The following MYT1L variants were observed in gnomAD, a reference collection of about 807,000 sequenced individuals.
MYT1L encodes myelin transcription factor 1 like.
A neutral mutation model predicts 126.7 loss-of-function variants in MYT1L; 12 were observed. That is an observed-to-expected ratio of 0.09 (90% CI 0.06 to 0.15). The LOEUF is 0.15. Among genes scored for constraint, MYT1L ranks in the 10% least tolerant of loss-of-function variants. The pLI is 1.00. For synonymous variants in MYT1L, 541 were observed against 604.2 expected (o/e 0.90, Z 1.53); for missense variants, 979 against 1,585.2 (o/e 0.62, Z 6.49).
At chr2:2,133,608 AT>A (rs1422875036) in intron 3 of MYT1L, among the ~76,000 whole-genome samples, 1 of 152,204 alleles carries the variant, frequency 6.6e-6, no homozygotes, top group Non-Finnish European at 1.5e-5. Context: ...AACATGCTTA[AT>A]TTTAAAAGGG....
At chr2:2,104,463 A>G (rs2078491818) in intron 3 of MYT1L, among the ~76,000 whole-genome samples, 1 of 152,252 alleles carries the variant, frequency 6.6e-6, no homozygotes, top group African/African-American at 2.4e-5. Flanking sequence ...AACTGCACAC[A>G]CTAGCCCTTT....
At position 1,889,275 on chromosome 2, in the gene MYT1L, C is replaced by T. The variant is rs200379833; in HGVS notation, c.2486G>A (p.Arg829Gln). The T allele has an allele frequency of 2.0e-5, 32 of 1,613,952 alleles. No homozygotes were observed. The highest frequency in any genetic ancestry group is 5.0e-5 in the Admixed American group (3 of 60,012). Residue 829 changes from arginine (R) to glutamine (Q), a missense_variant, in exon 16 of 25, where the codon CGG becomes CAG. Transcript: ENST00000647738. This position sits in a 1 kb window ranked among gnomAD's most constrained non-coding sequence, Gnocchi z 4.1. ...TTTGGACTCGTCCTCGTCTATCCTC[C>T]GGGGTTTCATTTTGGTGTAGTCTAC... The part of the protein sequence containing the change: ...LPVDYTKMKP[R>Q]RIDEDESKDI...
chr2:2,321,837 G>A (rs887543492), intron 1 of MYT1L, among the ~76,000 whole-genome samples: 1 of 152,104 alleles, frequency 6.6e-6, no homozygotes, highest in African/African-American at 2.4e-5. Context: ...TAAAGAAATT[G>A]GAGTGTTCTA....
At chr2:1,795,768 A>G (rs933827129) in intron 23 of MYT1L, 2 of 152,268 alleles carry the variant, frequency 1.3e-5, no homozygotes, top group African/African-American at 4.8e-5. Context: ...AAGAAACATC[A>G]AAGGTTTTTC....
chr2:1,936,790 A>AGAG (rs1263048440), intron 9 of MYT1L, among the ~76,000 whole-genome samples: 2 of 152,142 alleles, frequency 1.3e-5, no homozygotes, highest in Non-Finnish European at 2.9e-5. Context: ...TGGGGAGTTC[A>AGAG]GAGGCCACAC....
chr2:2,063,467 G>A (rs571989268), intron 3 of MYT1L, among the ~76,000 whole-genome samples: 1 of 152,116 alleles, frequency 6.6e-6, no homozygotes, highest in East Asian at 1.9e-4. Flanking sequence ...TTGCCTCCTG[G>A]GCTCCTGACT....
chr2:2,311,408 C>T (rs1052146828), intron 1 of MYT1L, among the ~76,000 whole-genome samples: 15 of 152,196 alleles, frequency 9.9e-5, no homozygotes, highest in African/African-American at 3.6e-4. Flanking sequence ...TCCAGTTCTC[C>T]TTATCTAACT....
Position 1,979,468 on chromosome 2 carries a change from C to G in MYT1L, c.89+53G>C. On this transcript the variant is annotated intron_variant, in intron 7 of 24. Coordinates refer to ENST00000647738, the MANE Select transcript of MYT1L (RefSeq NM_001303052.2). This position sits in a 1 kb window ranked among gnomAD's most constrained non-coding sequence, Gnocchi z 4.0. Reference sequence around the variant, plus strand: ...AAGGTGCAGTGTGCCCATTAGAAGGCGTGAATTTTCCAAACTGTTAATGGG... The same window carrying G: ...AAGGTGCAGTGTGCCCATTAGAAGGGGTGAATTTTCCAAACTGTTAATGGG... The G allele has an allele frequency of 1.3e-6, 2 of 1,548,260 alleles. No individual in the cohort carries two copies. Among genetic ancestry groups the G allele is most frequent in the Non-Finnish European group, 1.8e-6 (2 of 1,120,250 alleles).
chr2:2,166,310 C>T (rs1454580158), intron 3 of MYT1L, among the ~76,000 whole-genome samples: 1 of 152,172 alleles, frequency 6.6e-6, no homozygotes, highest in African/African-American at 2.4e-5. Context: ...CTATGGCCTC[C>T]CTCCCAGCCT....
intron 3 of MYT1L, among the ~76,000 whole-genome samples, chr2:2,122,602 T>TA (rs1302824050): frequency 2.6e-5 from 4 of 152,152 alleles, no homozygotes; most frequent in African/African-American, 9.7e-5. Flanking sequence ...CCAAACAAAA[T>TA]AGACGATTTA....
At chr2:1,970,957 T>C (rs1190559341) in intron 8 of MYT1L, among the ~76,000 whole-genome samples, 1 of 152,242 alleles carries the variant, frequency 6.6e-6, no homozygotes, top group Non-Finnish European at 1.5e-5. Context: ...AGTATACTTA[T>C]TGTTTTCAGT....
At chr2:2,107,157 C>A (rs984147025) in intron 3 of MYT1L, among the ~76,000 whole-genome samples, 1 of 152,198 alleles carries the variant, frequency 6.6e-6, no homozygotes, top group African/African-American at 2.4e-5. Context: ...AAAAAGGAAG[C>A]AAATGATAAC....
chr2:2,293,377 T>G (rs2095627287), intron 1 of MYT1L, among the ~76,000 whole-genome samples: 2 of 152,166 alleles, frequency 1.3e-5, no homozygotes, highest in Admixed American at 1.3e-4. Context: ...GTACTACAGA[T>G]AGAGAGAGGA....
At position 2,112,159 on chromosome 2, in the gene MYT1L, T is replaced by G. The variant is rs1302138365; in HGVS notation, c.-303-58036A>C. ...CAGCGTGATTAAGATTCTTAGTGTT[T>G]CATGCTCCAGTCCTGCTTTCCTGAG... On this transcript the variant is annotated intron_variant, in intron 3 of 24. Transcript: ENST00000647738. Among the ~76,000 whole-genome samples, 3 of 152,218 alleles carry G rather than the reference T, an allele frequency of 2.0e-5. No homozygotes were observed. In the East Asian group the frequency reaches 5.8e-4, roughly 29 times the overall value.
intron 3 of MYT1L, among the ~76,000 whole-genome samples, chr2:2,137,476 T>C (rs2083235487): frequency 6.6e-6 from 1 of 152,196 alleles, no homozygotes; most frequent in Admixed American, 6.5e-5. Flanking sequence ...AGCATGGTAC[T>C]GGTACCAAAA....
intron 2 of MYT1L, among the ~76,000 whole-genome samples, chr2:2,205,123 G>T (rs1007631066): frequency 1.6e-5 from 2 of 125,284 alleles, no homozygotes; most frequent in Non-Finnish European, 1.7e-5. Context: ...GGGGTGGGGT[G>T]GGGGGAGGGG....
chr2:2,151,246 G>T (rs2085738765), intron 3 of MYT1L, among the ~76,000 whole-genome samples: 2 of 152,134 alleles, frequency 1.3e-5, no homozygotes, highest in Admixed American at 1.3e-4. Flanking sequence ...TGGTGCTATA[G>T]AATACTGTGA....
At chr2:1,963,438 C>T (rs2149396955) in intron 8 of MYT1L, among the ~76,000 whole-genome samples, 1 of 152,304 alleles carries the variant, frequency 6.6e-6, no homozygotes, top group East Asian at 1.9e-4. Context: ...TCACCAACTC[C>T]ATTAGCTCAG....
intron 2 of MYT1L, among the ~76,000 whole-genome samples, chr2:2,217,128 A>C (rs2093698553): frequency 6.6e-6 from 1 of 152,212 alleles, no homozygotes; most frequent in African/African-American, 2.4e-5. Context: ...TCTTTCAGAA[A>C]ATTTAAAAGA....
Sources: allele counts gnomAD v4.1 joint callset (sites outside exome capture counted in the v4.1 genomes callset), GRCh38; gene constraint gnomAD v4.1.1; non-coding constraint Gnocchi (gnomAD v3.1); transcripts MANE v1.5; gene names NCBI Gene and HGNC (gene_info 2026-07-23, HGNC 2026-07-21).